OTOGL: variants seen among roughly 807,000 people sequenced by gnomAD.
OTOGL encodes the protein otogelin-like protein.
In OTOGL, 285 loss-of-function variants were observed where a neutral mutation model predicts 318.5. That is an observed-to-expected ratio of 0.89 (90% CI 0.81 to 0.99). OTOGL has a LOEUF of 0.99. Among genes scored for constraint, OTOGL ranks in the 50% least tolerant of loss-of-function variants. OTOGL has a pLI of 0.00. For missense variants in OTOGL, 2,899 were observed against 2,845.6 expected (o/e 1.02, Z -0.43); for synonymous variants, 987 against 936.5 (o/e 1.05, Z -0.99).
Position 80,210,890 on chromosome 12 carries a change from A to G in OTOGL, c.119+4A>G. ...CTATATTGATGGGAACATCAAAGTG[A>G]GTATTTCTTGTTCTTCGTGTCCTCT... On this transcript the variant is annotated splice_donor_region_variant and intron_variant, in intron 3 of 58. Coordinates refer to ENST00000547103, the MANE Select transcript of OTOGL (RefSeq NM_001378609.3). 1 of 1,479,518 alleles carries G rather than the reference A, an allele frequency of 6.8e-7. No homozygotes were observed. Among genetic ancestry groups the G allele is most frequent in the East Asian group, 2.6e-5 (1 of 38,668 alleles). The allele number at this position is 1,479,518 out of a possible 1,614,324, so 91.6% of individuals were successfully genotyped here. A position where few individuals can be genotyped will look rare whatever the true frequency, so the allele number is the denominator to read the frequency against.
rs1890082226 is a variant in OTOGL, at chr12:80,358,961, ATC to A, written c.6267+68_6267+69del. On this transcript the variant is annotated intron_variant, in intron 52 of 58. Transcript: ENST00000547103. The stretch of plus-strand genomic sequence containing the variant: ...ATTTAAATCTGTTTATTCTTCCTTT[ATC>A]TCTCTCATTTCTAAATTCTTCTTAG... 11 of 1,279,748 alleles carry A rather than the reference ATC, an allele frequency of 8.6e-6. No individual in the cohort carries two copies. The South Asian group carries it at 1.3e-4, about 15-fold the overall frequency. 79.3% of individuals were successfully genotyped at this position (1,279,748 alleles called of 1,614,324 possible). A position where few individuals can be genotyped will look rare whatever the true frequency, so the allele number is the denominator to read the frequency against.
rs564231698 is a variant in OTOGL, at chr12:80,378,003, G to A, written c.7017G>A (p.Met2339Ile). 1.9e-6 allele frequency: 3 copies of A among 1,596,868 alleles called. No homozygotes were observed. The African/African-American group carries it at 4.0e-5, about 21-fold the overall frequency. Residue 2339 changes from methionine to isoleucine, a missense_variant, in exon 59 of 59, where the codon ATG becomes ATA. Around this residue, in one of 3 missense-constraint regions of OTOGL, gnomAD observed 289 missense variants for 304.6 expected, o/e 0.95. Coordinates refer to ENST00000547103, the MANE Select transcript of OTOGL (RefSeq NM_001378609.3). ...GCTCAGGAAATGGCACTGAAATTAT[G>A]TACACTCTCCAGGAACCCATAGACT... The part of the protein sequence containing the change: ...LYCSGNGTEI[M>I]YTLQEPIDCT...
chr12:80,297,183 A>G (rs1216060449), intron 27 of OTOGL, among the ~76,000 whole-genome samples: 2 of 151,990 alleles, frequency 1.3e-5, no homozygotes, highest in African/African-American at 4.8e-5. Context: ...TTTCATTCCC[A>G]TAGTTGCCAT....
chr12:80,106,402 A>G (rs1869456100), intron 1 of OTOGL, among the ~76,000 whole-genome samples: 1 of 152,154 alleles, frequency 6.6e-6, no homozygotes, highest in Admixed American at 6.5e-5. Flanking sequence ...CAATGGTTTG[A>G]CAATCACCTG....
At chr12:80,176,850 C>T (rs764523072) in intron 1 of OTOGL, among the ~76,000 whole-genome samples, 1 of 151,972 alleles carries the variant, frequency 6.6e-6, no homozygotes, top group Non-Finnish European at 1.5e-5. Flanking sequence ...TACCATTTTA[C>T]GTTCTTATAA....
At chr12:80,348,830 T>C (rs936971253) in intron 44 of OTOGL, among the ~76,000 whole-genome samples, 3 of 152,190 alleles carry the variant, frequency 2.0e-5, no homozygotes, top group African/African-American at 7.2e-5. Context: ...CTCTTCTTCT[T>C]GCTGTTTCCC....
chr12:80,240,656 GA>G (rs1880297697), intron 11 of OTOGL, among the ~76,000 whole-genome samples: 1 of 152,038 alleles, frequency 6.6e-6, no homozygotes, highest in Non-Finnish European at 1.5e-5. Context: ...AGAATATTGT[GA>G]TGTGTTGCCT....
intron 32 of OTOGL, among the ~76,000 whole-genome samples, chr12:80,315,606 A>T (rs1886921504): frequency 6.6e-6 from 1 of 152,178 alleles, no homozygotes; most frequent in Non-Finnish European, 1.5e-5. Context: ...TGTCAGTTAG[A>T]ATAATAGTTA....
chr12:80,363,181 AT>A (rs1419383551), intron 52 of OTOGL, among the ~76,000 whole-genome samples: 1 of 152,140 alleles, frequency 6.6e-6, no homozygotes, highest in Non-Finnish European at 1.5e-5. Flanking sequence ...ATTTTCATTT[AT>A]TTCTTCAACC....
intron 26 of OTOGL, among the ~76,000 whole-genome samples, chr12:80,287,664 C>T (rs7308559): frequency 0.6 from 90,740 of 152,002 alleles, 29,923 homozygotes; most frequent in East Asian, 0.94. Flanking sequence ...CTTTCTTTGT[C>T]TTTTTTGATC....
At chr12:80,174,303 A>C (rs1168184235) in intron 1 of OTOGL, among the ~76,000 whole-genome samples, 1 of 152,216 alleles carries the variant, frequency 6.6e-6, no homozygotes, top group Non-Finnish European at 1.5e-5. Flanking sequence ...ACAACTGATG[A>C]CTAGAATCTA....
chr12:80,355,758 A>C lies in OTOGL; in HGVS notation c.5616A>C (p.Gln1872His). 6.2e-7 allele frequency: 1 copy of C among 1,613,552 alleles called. No individual in the cohort carries two copies. Among genetic ancestry groups the C allele is most frequent in the Non-Finnish European group, 8.5e-7 (1 of 1,179,646 alleles). ...AAGCATGCACTGATAGTGAAGACCAACCCCGCACTGCTGGGGAGATTTGGA... is the reference window on the plus strand; with the variant it reads ...AAGCATGCACTGATAGTGAAGACCACCCCCGCACTGCTGGGGAGATTTGGA... ...KECACTDSED[Q>H]PRTAGEIWNG... Residue 1872 changes from glutamine to histidine, a missense_variant, in exon 47 of 59, where the codon CAA becomes CAC. This residue lies in a region of OTOGL where 2,607 missense variants were observed against 2,524.9 expected (regional missense o/e 1.03). Coordinates refer to ENST00000547103, the MANE Select transcript of OTOGL (RefSeq NM_001378609.3).
At chr12:80,338,417 C>T (rs1401521212) in intron 42 of OTOGL, among the ~76,000 whole-genome samples, 1 of 151,968 alleles carries the variant, frequency 6.6e-6, no homozygotes, top group African/African-American at 2.4e-5. Context: ...GTTGGTGAGG[C>T]ATAACTTCGA....
At chr12:80,308,017 G>C (rs1308957398) in intron 29 of OTOGL, among the ~76,000 whole-genome samples, 2 of 126,806 alleles carry the variant, frequency 1.6e-5, no homozygotes, top group African/African-American at 3.2e-5. Flanking sequence ...CCCCTCACCT[G>C]CCGGACGGGG....
Position 80,342,152 on chromosome 12 carries a change from G to T in OTOGL, c.5255G>T (p.Cys1752Phe). The T allele has an allele frequency of 1.3e-6, 2 of 1,571,964 alleles. No homozygotes were observed. Among genetic ancestry groups the T allele is most frequent in the Non-Finnish European group, 1.7e-6 (2 of 1,155,976 alleles). Residue 1752 changes from cysteine (C) to phenylalanine (F), a missense_variant, in exon 44 of 59, where the codon TGT becomes TTT. Around this residue, in one of 3 missense-constraint regions of OTOGL, gnomAD observed 2,607 missense variants for 2,524.9 expected, o/e 1.03. Transcript: ENST00000547103. ...DLLNRRIFIP[C>F]HDKVSPEDFC... The stretch of plus-strand genomic sequence containing the variant: ...TTAAATAGAAGAATTTTCATTCCAT[G>T]TCATGATAAAGTAAGTTGGAAGCAA...
intron 1 of OTOGL, among the ~76,000 whole-genome samples, chr12:80,137,921 C>G (rs1871679067): frequency 6.6e-6 from 1 of 152,118 alleles, no homozygotes; most frequent in African/African-American, 2.4e-5. Context: ...GAAGAAGTAT[C>G]ACTTTGGAGT....
intron 42 of OTOGL, among the ~76,000 whole-genome samples, chr12:80,338,305 T>C (rs530235271): frequency 6.6e-6 from 1 of 152,102 alleles, no homozygotes; most frequent in South Asian, 2.1e-4. Context: ...ACACTTAAGA[T>C]GAATCTTAAA....
chr12:80,296,962 G>A lies in OTOGL; in HGVS notation c.3063+1G>A. 1 of 1,538,590 alleles carries A rather than the reference G, an allele frequency of 6.5e-7. No individual in the cohort carries two copies. The highest frequency in any genetic ancestry group is 2.3e-5 in the East Asian group (1 of 43,514). On this transcript the variant is annotated splice_donor_variant, in intron 27 of 58. Transcript: ENST00000547103. LOFTEE classifies it high-confidence loss of function. ...CCTGAATGATACTCCTTACAAACAG[G>A]TTAGTGAATTATTTCTTTCAGGATC...
At chr12:80,114,437 AG>A (rs1315596879) in intron 1 of OTOGL, among the ~76,000 whole-genome samples, 1 of 152,158 alleles carries the variant, frequency 6.6e-6, no homozygotes, top group Non-Finnish European at 1.5e-5. Context: ...GTTGCATATT[AG>A]CCCCTACACT....
Sources: allele counts gnomAD v4.1 joint callset (sites outside exome capture counted in the v4.1 genomes callset), GRCh38; gene constraint gnomAD v4.1.1; regional missense constraint gnomAD v4.1.1; transcripts MANE v1.5; gene names NCBI Gene and HGNC (gene_info 2026-07-23, HGNC 2026-07-21).